GAB2: variants seen among roughly 807,000 people sequenced by gnomAD.
GAB2 encodes GRB2 associated binding protein 2, also known as GRB2-associated-binding protein 2.
In GAB2, 26 loss-of-function variants were observed where a neutral mutation model predicts 65.5. The observed-to-expected ratio is 0.40, with a 90% CI of 0.29 to 0.55. The LOEUF (loss-of-function observed/expected upper bound fraction) is 0.55, where lower values mean the gene tolerates loss of function less well. Ranked by LOEUF, GAB2 falls within the 20% of genes least tolerant of loss-of-function variation. The probability of loss-of-function intolerance (pLI) is 0.53; values close to 1 mark genes in which losing one functional copy is unlikely to be tolerated. For synonymous variants in GAB2, 321 were observed against 329.6 expected (o/e 0.97, Z 0.28); for missense variants, 884 against 875.8 (o/e 1.01, Z -0.12).
intron 3 of GAB2, among the ~76,000 whole-genome samples, chr11:78,236,352 T>C (rs1013339958): frequency 3.9e-5 from 6 of 152,244 alleles, no homozygotes; most frequent in African/African-American, 1.4e-4. Flanking sequence ...GGTTTCGCCA[T>C]GTTGCTCAGG....
chr11:78,234,830 T>G (rs1171911822), intron 3 of GAB2, among the ~76,000 whole-genome samples: 3 of 151,976 alleles, frequency 2.0e-5, no homozygotes, highest in African/African-American at 7.2e-5. Context: ...GCCAACATGG[T>G]GAAACCCCAC....
chr11:78,260,164 C>A (rs1865692103), intron 2 of GAB2, among the ~76,000 whole-genome samples: 1 of 152,124 alleles, frequency 6.6e-6, no homozygotes, highest in Non-Finnish European at 1.5e-5. Flanking sequence ...ACATGAGATC[C>A]CATGAGATCT....
chr11:78,225,267 C>T, intron 4 of GAB2, 65 bp from the exon 5 acceptor site: 2 of 1,059,466 alleles, frequency 1.9e-6, no homozygotes, highest in Non-Finnish European at 2.9e-6. Flanking sequence ...TTACCCATAC[C>T]CTCACCAGTG....
chr11:78,239,550 G>A (rs940478106), intron 3 of GAB2, among the ~76,000 whole-genome samples: 2 of 152,088 alleles, frequency 1.3e-5, no homozygotes, highest in Admixed American at 6.6e-5. Flanking sequence ...CAAAAATAAC[G>A]GAGGGAGAGT....
intron 1 of GAB2, among the ~76,000 whole-genome samples, chr11:78,320,745 T>G (rs1218584981): frequency 4.1e-5 from 3 of 73,264 alleles, no homozygotes; most frequent in African/African-American, 1.9e-4. Context: ...TTTTTTTTTT[T>G]TGGTAGAGAT....
At position 78,331,895 on chromosome 11, in the gene GAB2, C is replaced by A. The variant is rs191723461; in HGVS notation, c.76-50994G>T. Among the ~76,000 whole-genome samples the A allele has an allele frequency of 1.1e-4, 17 of 152,218 alleles. No homozygotes were observed. The East Asian group carries it at 3.1e-3, about 28-fold the overall frequency. ...TGTTTATAGCCCAGAGGACACCATC[C>A]GGACCTCGTAAATGAAAGTGTCCAT... On this transcript the variant is annotated intron_variant, in intron 1 of 9. Coordinates refer to ENST00000361507, the MANE Select transcript of GAB2 (RefSeq NM_080491.3).
chr11:78,233,443 A>G (rs1347474408), intron 3 of GAB2, among the ~76,000 whole-genome samples: 1 of 152,164 alleles, frequency 6.6e-6, no homozygotes. Context: ...TGGTTACTGG[A>G]CATTCCTATA....
intron 2 of GAB2, among the ~76,000 whole-genome samples, chr11:78,254,096 G>A (rs1170980436): frequency 6.6e-6 from 1 of 152,124 alleles, no homozygotes; most frequent in Non-Finnish European, 1.5e-5. Context: ...CATACTTGGG[G>A]AAGTCACTTC....
At chr11:78,245,950 CT>C (rs59178035) in intron 3 of GAB2, among the ~76,000 whole-genome samples, 99 of 145,080 alleles carry the variant, frequency 6.8e-4, no homozygotes, top group Admixed American at 6.9e-4. Flanking sequence ...TTCTTTTTTT[CT>C]TTTTTTTTTT....
intron 1 of GAB2, among the ~76,000 whole-genome samples, chr11:78,364,817 T>C (rs564767417): frequency 1.3e-5 from 2 of 152,302 alleles, no homozygotes; most frequent in East Asian, 3.9e-4. Context: ...TCTACTGATA[T>C]CAGAAGATTC....
intron 2 of GAB2, among the ~76,000 whole-genome samples, chr11:78,279,260 C>A (rs767237211): frequency 3.9e-5 from 6 of 152,028 alleles, no homozygotes; most frequent in African/African-American, 7.3e-5. Context: ...AAAATGAAAA[C>A]GCAGAACTTC....
chr11:78,340,791 T>C (rs552319657), intron 1 of GAB2, among the ~76,000 whole-genome samples: 3 of 152,266 alleles, frequency 2.0e-5, no homozygotes, highest in South Asian at 2.1e-4. Flanking sequence ...CAGATGACCC[T>C]AGGAAAGGGT....
intron 3 of GAB2, among the ~76,000 whole-genome samples, chr11:78,240,872 C>T (rs1291746117): frequency 6.6e-6 from 1 of 152,194 alleles, no homozygotes; most frequent in East Asian, 1.9e-4. Context: ...GGGCAGTCCA[C>T]ATCCAACCAT....
At chr11:78,409,598 A>T (rs1488029444) in intron 1 of GAB2, among the ~76,000 whole-genome samples, 2 of 152,046 alleles carry the variant, frequency 1.3e-5, no homozygotes, top group Non-Finnish European at 1.5e-5. Context: ...AAAAAATAAT[A>T]AAAAAAATAA....
chr11:78,240,307 G>T lies in GAB2; in HGVS notation c.620+9850C>A, dbSNP rs563599909. 4.6e-5 allele frequency among the ~76,000 whole-genome samples: 7 copies of T among 152,208 alleles called. 1 individual carries two copies. Among genetic ancestry groups the T allele is most frequent in the African/African-American group, 1.7e-4 (7 of 41,524 alleles). Reference sequence around the variant, plus strand: ...ACCCTCCTGGGCCTGAGCTGAAGTAGCACACTGTCCCCTGGGGAATGGGTG... The same window carrying T: ...ACCCTCCTGGGCCTGAGCTGAAGTATCACACTGTCCCCTGGGGAATGGGTG... On this transcript the variant is annotated intron_variant, in intron 3 of 9. Coordinates refer to ENST00000361507, the MANE Select transcript of GAB2 (RefSeq NM_080491.3).
chr11:78,412,210 CA>C (rs1857139338), intron 1 of GAB2, among the ~76,000 whole-genome samples: 1 of 151,200 alleles, frequency 6.6e-6, no homozygotes, highest in African/African-American at 2.4e-5. Context: ...ATACAGATGG[CA>C]AATAATCATA....
rs1857221923 is a variant in GAB2, at chr11:78,417,817, A to AGGGGCGGGGCGGGCGGCCC, written c.-98_-97insGGGCCGCCCGCCCCGCCCC. On this transcript the variant is annotated 5_prime_UTR_variant, in exon 1 of 10. Transcript: ENST00000361507. ...GGCGGTGCGCAGCTCGCGGGAGGCC[A>AGGGGCGGGGCGGGCGGCCC]GGGGCGGGGCGGGCGGCCCGGCGGG... is the stretch of plus-strand genomic sequence containing the variant. 1 of 549,428 alleles carries AGGGGCGGGGCGGGCGGCCC rather than the reference A, an allele frequency of 1.8e-6. No individual in the cohort carries two copies. The highest frequency in any genetic ancestry group is 2.3e-6 in the Non-Finnish European group (1 of 434,092). 34.0% of individuals were successfully genotyped at this position (549,428 alleles called of 1,614,324 possible). A position where few individuals can be genotyped will look rare whatever the true frequency, so the allele number is the denominator to read the frequency against.
rs1864181684 is a variant in GAB2 at position 78,217,019 on chromosome 11, C to T, written c.*2253G>A. 6.6e-6 allele frequency: 1 copy of T among 152,538 alleles called. No homozygotes were observed. The highest frequency in any genetic ancestry group is 6.5e-5 in the Admixed American group (1 of 15,280). 9.4% of individuals were successfully genotyped at this position (152,538 alleles called of 1,614,324 possible). ...CCAAGACACAAGGCTTTCCAAGCCT[C>T]TCCTTCCTTCTTCCTCCACTGGACC... On this transcript the variant is annotated 3_prime_UTR_variant, in exon 10 of 10. Transcript: ENST00000361507.
intron 1 of GAB2, among the ~76,000 whole-genome samples, chr11:78,349,146 G>A (rs1856235775): frequency 6.6e-6 from 1 of 152,148 alleles, no homozygotes; most frequent in Admixed American, 6.5e-5. Flanking sequence ...CTCATTAAAT[G>A]TACACAGATA....
Sources: gnomAD v4.1 joint callset for allele counts (sites outside exome capture counted in the v4.1 genomes callset) on GRCh38, gnomAD v4.1.1 for gene constraint, MANE v1.5 for transcripts, NCBI Gene and HGNC (gene_info 2026-07-23, HGNC 2026-07-21) for gene names.